EPB41L3: variants seen among roughly 807,000 people sequenced by gnomAD.
EPB41L3 encodes the protein band 4.1-like protein 3.
EPB41L3 carries 57 observed loss-of-function variants against 127.1 expected under a neutral mutation model. The ratio of observed to expected loss-of-function variants is 0.45; its 90% confidence interval spans 0.36 to 0.56. The LOEUF (loss-of-function observed/expected upper bound fraction) is 0.56. Ranked by LOEUF, EPB41L3 falls within the 20% of genes least tolerant of loss-of-function variation. The pLI is 0.00. For synonymous variants in EPB41L3, 572 were observed against 549.5 expected, an observed-to-expected ratio of 1.04 and a Z score of -0.57; for missense variants, 1,273 against 1,372.2, an observed-to-expected ratio of 0.93 and a Z score of 1.14.
chr18:5,569,295 A>G (rs1347212902), intron 3 of EPB41L3, among the ~76,000 whole-genome samples: 2 of 152,260 alleles, frequency 1.3e-5, no homozygotes, highest in Non-Finnish European at 2.9e-5. Flanking sequence ...TACAAACTTA[A>G]TCCAATGCTT....
chr18:5,564,825 G>T (rs973714957), intron 3 of EPB41L3, among the ~76,000 whole-genome samples: 12 of 152,050 alleles, frequency 7.9e-5, no homozygotes, highest in Non-Finnish European at 1.6e-4. Flanking sequence ...TCACAAGCTC[G>T]ATGAAGGCTT....
At chr18:5,421,268 C>T (rs2077437181) in intron 11 of EPB41L3, among the ~76,000 whole-genome samples, 1 of 151,970 alleles carries the variant, frequency 6.6e-6, no homozygotes, top group African/African-American at 2.4e-5. Context: ...AATGTGTTCC[C>T]TGGGGTGCAC....
Position 5,403,055 on chromosome 18 carries a change from G to T in EPB41L3, c.2349+3722C>A, listed in dbSNP as rs180862019. On this transcript the variant is annotated intron_variant, in intron 16 of 22. Coordinates refer to ENST00000341928, the MANE Select transcript of EPB41L3 (RefSeq NM_012307.5). Reference sequence around the variant, plus strand: ...GATACTGCTTTTTTACTGTGATTTGGAAACTTTTGGTATTCAAGTAACCAC... The same window carrying T: ...GATACTGCTTTTTTACTGTGATTTGTAAACTTTTGGTATTCAAGTAACCAC... Among the ~76,000 whole-genome samples the T allele has an allele frequency of 3.3e-5, 5 of 152,260 alleles. No homozygotes were observed. In the East Asian group the frequency reaches 9.7e-4, roughly 29 times the overall value.
chr18:5,572,880 C>T (rs1400235516), intron 3 of EPB41L3, among the ~76,000 whole-genome samples: 3 of 152,188 alleles, frequency 2.0e-5, no homozygotes, highest in Non-Finnish European at 4.4e-5. Flanking sequence ...GTCAGCTCTT[C>T]TGCTTTGTGA....
intron 3 of EPB41L3, among the ~76,000 whole-genome samples, chr18:5,578,367 T>G (rs1414011396): frequency 6.6e-6 from 1 of 152,222 alleles, no homozygotes; most frequent in African/African-American, 2.4e-5. Flanking sequence ...TAAATTCAAC[T>G]AGGGAAATGT....
At chr18:5,473,227 TA>T (rs1469783853) in intron 3 of EPB41L3, among the ~76,000 whole-genome samples, 1 of 152,154 alleles carries the variant, frequency 6.6e-6, no homozygotes. Context: ...ACCTGGGTCC[TA>T]TAAGCAGTAA....
chr18:5,415,569 C>T (rs1285050323), intron 13 of EPB41L3, among the ~76,000 whole-genome samples: 2 of 152,210 alleles, frequency 1.3e-5, no homozygotes, highest in African/African-American at 4.8e-5. Flanking sequence ...CTGAGTCTTT[C>T]ATCCCACGTA....
chr18:5,496,787 T>C (rs1424346236), intron 1 of EPB41L3, among the ~76,000 whole-genome samples: 2 of 152,258 alleles, frequency 1.3e-5, no homozygotes, highest in Non-Finnish European at 2.9e-5. Context: ...GCTACATCAT[T>C]GCTTCATTCA....
intron 3 of EPB41L3, among the ~76,000 whole-genome samples, chr18:5,583,737 TA>T (rs1387884886): frequency 1.3e-5 from 2 of 152,192 alleles, no homozygotes; most frequent in African/African-American, 4.8e-5. Context: ...TGAAGAGCTA[TA>T]TTTTTTTTTC....
chr18:5,450,474 T>G (rs2082143463), intron 3 of EPB41L3, among the ~76,000 whole-genome samples: 3 of 125,216 alleles, frequency 2.4e-5, no homozygotes, highest in South Asian at 2.7e-4. Flanking sequence ...CTGGGGGGGG[T>G]GAGGGGAAGA....
chr18:5,401,914 G>T (rs1451391948), intron 16 of EPB41L3, among the ~76,000 whole-genome samples: 2 of 152,026 alleles, frequency 1.3e-5, no homozygotes, highest in Non-Finnish European at 2.9e-5. Context: ...GAAAAATAAC[G>T]ATGGAAAGTT....
chr18:5,444,147 G>A (rs1337814212), intron 4 of EPB41L3, among the ~76,000 whole-genome samples: 1 of 152,180 alleles, frequency 6.6e-6, no homozygotes, highest in Non-Finnish European at 1.5e-5. Context: ...AGGGATTCAA[G>A]CTAGCACAGA....
intron 3 of EPB41L3, among the ~76,000 whole-genome samples, chr18:5,581,352 A>T (rs962024806): frequency 5.3e-5 from 8 of 152,188 alleles, no homozygotes; most frequent in Non-Finnish European, 1.0e-4. Flanking sequence ...AATATAAGGT[A>T]CACCAGTGAG....
intron 1 of EPB41L3, among the ~76,000 whole-genome samples, chr18:5,614,794 T>A (rs890786032): frequency 6.6e-6 from 1 of 152,162 alleles, no homozygotes; most frequent in Non-Finnish European, 1.5e-5. Flanking sequence ...AAGATAAAAA[T>A]AATTATTTTA....
intron 1 of EPB41L3, among the ~76,000 whole-genome samples, chr18:5,626,157 G>A (rs73937192): frequency 0.038 from 5,812 of 152,120 alleles, 348 homozygotes; most frequent in African/African-American, 0.13. Context: ...CAGTCCCACT[G>A]GAACATTGGT....
At chr18:5,576,483 G>C (rs1383419385) in intron 3 of EPB41L3, among the ~76,000 whole-genome samples, 3 of 152,058 alleles carry the variant, frequency 2.0e-5, no homozygotes, top group Non-Finnish European at 4.4e-5. Flanking sequence ...AGATCAAAAG[G>C]TTTCAACAAA....
chr18:5,522,989 T>C (rs1472062502), intron 1 of EPB41L3, among the ~76,000 whole-genome samples: 2 of 152,188 alleles, frequency 1.3e-5, no homozygotes, highest in Non-Finnish European at 2.9e-5. Context: ...TGGTATTATA[T>C]GTAGAGAGTA....
intron 3 of EPB41L3, among the ~76,000 whole-genome samples, chr18:5,551,448 G>A (rs2093962495): frequency 6.6e-6 from 1 of 152,290 alleles, no homozygotes. Context: ...CTGAAGGCTG[G>A]GCACGGTGGC....
At chr18:5,525,101 C>A (rs993483811) in intron 1 of EPB41L3, among the ~76,000 whole-genome samples, 1 of 152,170 alleles carries the variant, frequency 6.6e-6, no homozygotes, top group Non-Finnish European at 1.5e-5. Context: ...TCTAAAACGA[C>A]AGGCAAAAGT....
Sources: gnomAD v4.1 joint callset for allele counts (sites outside exome capture counted in the v4.1 genomes callset) on GRCh38, gnomAD v4.1.1 for gene constraint, MANE v1.5 for transcripts, NCBI Gene and HGNC (gene_info 2026-07-23, HGNC 2026-07-21) for gene names.